TMEM178A: variants seen among roughly 807,000 people sequenced by gnomAD.
The protein encoded by TMEM178A is transmembrane protein 178A.
A neutral mutation model predicts 29.1 loss-of-function variants in TMEM178A; 12 were observed. The observed-to-expected ratio is 0.41, with a 90% confidence interval of 0.26 to 0.67. TMEM178A has a LOEUF of 0.67. Among genes scored for constraint, TMEM178A ranks in the 30% least tolerant of loss-of-function variants. TMEM178A has a pLI of 0.29. For synonymous variants in TMEM178A, 210 were observed against 187.2 expected, an observed-to-expected ratio of 1.12 and a Z score of -0.99; for missense variants, 366 against 419.1, an observed-to-expected ratio of 0.87 and a Z score of 1.11.
chr2:39,724,103 G>C, the TMEM178A span, among the ~76,000 whole-genome samples: 1 of 152,194 alleles, frequency 6.6e-6, no homozygotes, highest in East Asian at 1.9e-4. Context: ...GTAGCCTAAA[G>C]GTATGACAGC....
At chr2:39,731,366 G>A in the TMEM178A span, among the ~76,000 whole-genome samples, 376 of 152,258 alleles carry the variant, frequency 2.5e-3, 1 homozygote, top group Non-Finnish European at 2.6e-3. Flanking sequence ...ATGATTCTGC[G>A]GGCTGAGAAG....
intron 2 of TMEM178A, among the ~76,000 whole-genome samples, chr2:39,706,146 G>T (rs1048932300): frequency 1.3e-5 from 2 of 152,232 alleles, no homozygotes; most frequent in Non-Finnish European, 2.9e-5. Flanking sequence ...GGTACACGTA[G>T]TCAGCCTACC....
intron 2 of TMEM178A, 24 bp from the exon 3 acceptor site, chr2:39,707,025 T>C (rs369026098): frequency 1.8e-5 from 28 of 1,582,310 alleles, no homozygotes; most frequent in Non-Finnish European, 2.2e-5. Context: ...TGATTGTGAA[T>C]GTCTGTGTCT....
At chr2:39,692,183 G>T (rs185795216) in intron 1 of TMEM178A, among the ~76,000 whole-genome samples, 1 of 152,282 alleles carries the variant, frequency 6.6e-6, no homozygotes, top group East Asian at 1.9e-4. Flanking sequence ...GGAATGGGAA[G>T]ATGGATGCTG....
Position 39,675,511 on chromosome 2 carries a change from A to G in TMEM178A, c.400+9137A>G. Among the ~76,000 whole-genome samples, 3 of 152,278 alleles carry G rather than the reference A, an allele frequency of 2.0e-5. No individual in the cohort carries two copies. In the South Asian group the frequency reaches 6.2e-4, roughly 32 times the overall value. ...AACAGAGTAGTTCCCCGTTGACTTAACCACCGATACAGATGATTCTGCGGT... is the reference window on the plus strand; with the variant it reads ...AACAGAGTAGTTCCCCGTTGACTTAGCCACCGATACAGATGATTCTGCGGT... On this transcript the variant is annotated intron_variant, in intron 1 of 3. Coordinates refer to ENST00000281961, the MANE Select transcript of TMEM178A (RefSeq NM_152390.3).
intron 1 of TMEM178A, among the ~76,000 whole-genome samples, chr2:39,686,095 C>T (rs1193963897): frequency 6.6e-6 from 1 of 152,234 alleles, no homozygotes; most frequent in African/African-American, 2.4e-5. Context: ...GGGGCAGCTG[C>T]TGGCCAGGGT....
At chr2:39,672,800 G>A (rs1670460076) in intron 1 of TMEM178A, among the ~76,000 whole-genome samples, 1 of 152,184 alleles carries the variant, frequency 6.6e-6, no homozygotes, top group Non-Finnish European at 1.5e-5. Flanking sequence ...GCCTCCCAAA[G>A]TGTTGGGATT....
rs559105900 is a variant in TMEM178A at position 39,710,379 on chromosome 2, A to G, written c.652+3193A>G. Among the ~76,000 whole-genome samples the G allele has an allele frequency of 2.6e-4, 40 of 152,318 alleles. 1 individual carries two copies. The highest frequency in any genetic ancestry group is 9.4e-4 in the African/African-American group (39 of 41,568). ...TTACAGACCTCATCACCTGAAAACA[A>G]AACAACCTTTTTTCAATATTTCCTT... On this transcript the variant is annotated intron_variant, in intron 3 of 3. Coordinates refer to ENST00000281961, the MANE Select transcript of TMEM178A (RefSeq NM_152390.3).
At chr2:39,697,680 G>A (rs1232447971) in intron 1 of TMEM178A, 1 of 152,276 alleles carries the variant, frequency 6.6e-6, no homozygotes, top group Non-Finnish European at 1.5e-5. Context: ...AGAGCCCCAT[G>A]GAGAAGGAAA....
At chr2:39,694,154 AGT>A (rs1671443243) in intron 1 of TMEM178A, among the ~76,000 whole-genome samples, 1 of 124,022 alleles carries the variant, frequency 8.1e-6, no homozygotes, top group Non-Finnish European at 1.7e-5. Context: ...TAGCAATAGT[AGT>A]AGTAGTAATA....
At chr2:39,730,207 T>C in the TMEM178A span, among the ~76,000 whole-genome samples, 2 of 152,128 alleles carry the variant, frequency 1.3e-5, no homozygotes, top group East Asian at 3.8e-4. Context: ...ACAGAAGAAA[T>C]CCTCTCTTGG....
At chr2:39,723,099 C>T in the TMEM178A span, among the ~76,000 whole-genome samples, 1 of 152,168 alleles carries the variant, frequency 6.6e-6, no homozygotes, top group Non-Finnish European at 1.5e-5. Context: ...GCATTTCATT[C>T]TTTAATCATA....
At chr2:39,714,283 G>A (rs1672438179) in intron 3 of TMEM178A, among the ~76,000 whole-genome samples, 1 of 152,040 alleles carries the variant, frequency 6.6e-6, no homozygotes, top group South Asian at 2.1e-4. Flanking sequence ...TCTCCACCAC[G>A]CTCAGCTGAA....
the TMEM178A span, among the ~76,000 whole-genome samples, chr2:39,734,365 T>C: frequency 2.6e-5 from 4 of 152,236 alleles, no homozygotes; most frequent in African/African-American, 9.6e-5. Context: ...TCTATTTCAC[T>C]GGTTGTTCCA....
chr2:39,668,027 T>G (rs1670244903), intron 1 of TMEM178A, among the ~76,000 whole-genome samples: 1 of 152,206 alleles, frequency 6.6e-6, no homozygotes. Flanking sequence ...AGTATTTGAT[T>G]GCATGTAAAT....
intron 3 of TMEM178A, among the ~76,000 whole-genome samples, chr2:39,712,471 T>C (rs2148115748): frequency 6.6e-6 from 1 of 152,350 alleles, no homozygotes; most frequent in Non-Finnish European, 1.5e-5. Context: ...TGTCCTGATG[T>C]GAAAATATCC....
chr2:39,703,940 TAGGTTTTTATTGCTCTGAATCAAG>T, intron 1 of TMEM178A, 117 bp from the exon 2 acceptor site: 1 of 624,206 alleles, frequency 1.6e-6, no homozygotes, highest in Non-Finnish European at 2.8e-6. Context: ...TTTTATGTTT[TAGGTTTTTATTGCTCTGAATCAAG>T]AGATTCTTAT....
chr2:39,669,609 G>C (rs1670325823), intron 1 of TMEM178A, among the ~76,000 whole-genome samples: 1 of 152,184 alleles, frequency 6.6e-6, no homozygotes, highest in South Asian at 2.1e-4. Flanking sequence ...CGTTTAGCCA[G>C]AACCTTCAGA....
intron 1 of TMEM178A, chr2:39,687,445 C>T (rs373033060): frequency 6.0e-5 from 10 of 167,142 alleles, no homozygotes; most frequent in African/African-American, 2.4e-4. Flanking sequence ...CCCTAACTCC[C>T]ACCCCTGATG....
Sources: allele counts gnomAD v4.1 joint callset (sites outside exome capture counted in the v4.1 genomes callset), GRCh38; gene constraint gnomAD v4.1.1; transcripts MANE v1.5; gene names NCBI Gene and HGNC (gene_info 2026-07-23, HGNC 2026-07-21).